Variants in PTPRD observed in about 807,000 individuals in gnomAD.
The protein encoded by PTPRD is receptor-type tyrosine-protein phosphatase delta.
PTPRD carries 34 observed loss-of-function variants against 214.5 expected under a neutral mutation model. The observed-to-expected ratio is 0.16, with a 90% CI of 0.12 to 0.21. PTPRD has a LOEUF of 0.21. Among genes scored for constraint, PTPRD ranks in the 10% least tolerant of loss-of-function variants. PTPRD has a pLI of 1.00. For synonymous variants in PTPRD, 1,128 were observed against 845.7 expected (o/e 1.33, Z -5.79); for missense variants, 2,545 against 2,398.7 (o/e 1.06, Z -1.27).
At chr9:9,951,059 C>A (rs570584388) in intron 4 of PTPRD, among the ~76,000 whole-genome samples, 2 of 152,202 alleles carry the variant, frequency 1.3e-5, no homozygotes, top group African/African-American at 2.4e-5. Context: ...TAATCCATGG[C>A]ATGTAAATGC....
intron 3 of PTPRD, among the ~76,000 whole-genome samples, chr9:10,097,751 C>G (rs1296571682): frequency 1.3e-5 from 2 of 151,854 alleles, no homozygotes; most frequent in Non-Finnish European, 2.9e-5. Context: ...GCCTGATTGC[C>G]CTGGCCAGAA....
At chr9:8,988,983 A>G (rs575277434) in intron 11 of PTPRD, among the ~76,000 whole-genome samples, 7 of 152,122 alleles carry the variant, frequency 4.6e-5, no homozygotes, top group African/African-American at 1.7e-4. Context: ...AAATGTTTAC[A>G]TAAGTTCTTT....
At chr9:10,134,474 C>T (rs997828308) in intron 3 of PTPRD, among the ~76,000 whole-genome samples, 1 of 152,144 alleles carries the variant, frequency 6.6e-6, no homozygotes, top group African/African-American at 2.4e-5. Flanking sequence ...ATGTAAATGC[C>T]TAACTGCTGG....
intron 8 of PTPRD, among the ~76,000 whole-genome samples, chr9:9,572,784 G>A (rs1250568571): frequency 6.6e-6 from 1 of 151,102 alleles, no homozygotes; most frequent in Non-Finnish European, 1.5e-5. Context: ...GTAACCACAT[G>A]AGAAATAAGA....
intron 14 of PTPRD, among the ~76,000 whole-genome samples, chr9:8,623,306 T>C (rs1213791193): frequency 4.6e-5 from 7 of 151,938 alleles, no homozygotes; most frequent in African/African-American, 1.4e-4. Flanking sequence ...GAAAATTTCA[T>C]CTAATTTTCT....
intron 4 of PTPRD, among the ~76,000 whole-genome samples, chr9:9,946,889 G>A (rs1043999253): frequency 1.3e-5 from 2 of 151,976 alleles, no homozygotes; most frequent in Non-Finnish European, 2.9e-5. Context: ...ATGTGAAGCA[G>A]AACTATGAAT....
rs111886261 is a variant in PTPRD, at chr9:10,488,202, C to T, written c.-600+124196G>A. ...CTAACACGATGAAACCCCATCTCTA[C>T]TAAAAATACAAAAAATTAGCTGGGC... On this transcript the variant is annotated intron_variant, in intron 2 of 45. Transcript: ENST00000381196. Among the ~76,000 whole-genome samples the T allele has an allele frequency of 6.8e-3, 1,034 of 151,916 alleles. 3 individuals are homozygous for T. Among genetic ancestry groups the T allele is most frequent in the Non-Finnish European group, 0.011 (775 of 67,930 alleles).
chr9:8,885,047 T>G (rs754357991), intron 11 of PTPRD, among the ~76,000 whole-genome samples: 1 of 152,158 alleles, frequency 6.6e-6, no homozygotes, highest in South Asian at 2.1e-4. Flanking sequence ...ATGACTATGA[T>G]AGTGCAAGTG....
chr9:9,509,904 C>A (rs1233311546), intron 8 of PTPRD, among the ~76,000 whole-genome samples: 1 of 151,652 alleles, frequency 6.6e-6, no homozygotes, highest in Non-Finnish European at 1.5e-5. Flanking sequence ...TACTGTGTGC[C>A]TTGTATCTAA....
At chr9:9,268,926 A>C (rs984907624) in intron 9 of PTPRD, among the ~76,000 whole-genome samples, 6 of 151,052 alleles carry the variant, frequency 4.0e-5, no homozygotes, top group Non-Finnish European at 1.5e-5. Context: ...ATAGAAGAAA[A>C]GCTCCATGAC....
rs532756332 is a variant in PTPRD, at chr9:8,783,464, T to C, written c.-103-49518A>G. ...GAAGTTTTATATGTATTCTTTCATT[T>C]TATCCCCAAGTGATTCTATGGAGTA... On this transcript the variant is annotated intron_variant, in intron 11 of 45. Coordinates refer to ENST00000381196, the MANE Select transcript of PTPRD (RefSeq NM_002839.4). 3.9e-5 allele frequency among the ~76,000 whole-genome samples: 6 copies of C among 152,366 alleles called. No homozygotes were observed. In the East Asian group the frequency reaches 1.2e-3, roughly 29 times the overall value.
chr9:8,859,992 C>G (rs570088651), intron 11 of PTPRD: 1 of 152,256 alleles, frequency 6.6e-6, no homozygotes, highest in South Asian at 2.1e-4. Flanking sequence ...GGACCCTTGC[C>G]CCCTGTGACC....
intron 5 of PTPRD, among the ~76,000 whole-genome samples, chr9:9,882,522 G>A (rs564476158): frequency 6.3e-4 from 96 of 152,046 alleles, no homozygotes; most frequent in Middle Eastern, 3.4e-3. Context: ...AGAAGTTCTA[G>A]GCATATAATT....
intron 8 of PTPRD, among the ~76,000 whole-genome samples, chr9:9,475,903 G>A (rs2094996383): frequency 6.6e-6 from 1 of 152,034 alleles, no homozygotes; most frequent in African/African-American, 2.4e-5. Context: ...TATATAAACT[G>A]CTACCTCCGC....
intron 10 of PTPRD, among the ~76,000 whole-genome samples, chr9:9,087,646 C>T (rs1486332370): frequency 6.6e-6 from 1 of 152,066 alleles, no homozygotes; most frequent in African/African-American, 2.4e-5. Context: ...CTCACTTAAC[C>T]TTATGGAAAA....
intron 11 of PTPRD, among the ~76,000 whole-genome samples, chr9:8,869,739 A>AAG (rs1390500371): frequency 4.0e-5 from 6 of 151,812 alleles, no homozygotes; most frequent in Admixed American, 1.3e-4. Context: ...AAGGAAAAAA[A>AAG]AAAAAAAAAT....
chr9:10,152,857 T>G (rs989503338), intron 3 of PTPRD, among the ~76,000 whole-genome samples: 5 of 150,662 alleles, frequency 3.3e-5, no homozygotes, highest in African/African-American at 9.7e-5. Flanking sequence ...AATTCTGACA[T>G]TTGTGACAGC....
intron 8 of PTPRD, among the ~76,000 whole-genome samples, chr9:9,430,092 G>C (rs1410104980): frequency 1.3e-5 from 2 of 152,136 alleles, no homozygotes; most frequent in Non-Finnish European, 2.9e-5. Context: ...TATTCACTTA[G>C]GAAAAGAGGA....
At chr9:10,235,567 C>T (rs1180179819) in intron 3 of PTPRD, among the ~76,000 whole-genome samples, 1 of 151,944 alleles carries the variant, frequency 6.6e-6, no homozygotes, top group Non-Finnish European at 1.5e-5. Context: ...TTTCTGGACT[C>T]CTGCAGGAAA....
Sources: gnomAD v4.1 joint callset for allele counts (sites outside exome capture counted in the v4.1 genomes callset) on GRCh38, gnomAD v4.1.1 for gene constraint, MANE v1.5 for transcripts, NCBI Gene and HGNC (gene_info 2026-07-23, HGNC 2026-07-21) for gene names.